The following DNM3 variants were observed in gnomAD, a reference collection of about 807,000 sequenced individuals.
DNM3 encodes dynamin 3.
In DNM3, 47 loss-of-function variants were observed where a neutral mutation model predicts 101.6. The ratio of observed to expected loss-of-function variants is 0.46; its 90% CI spans 0.37 to 0.59. DNM3 has a LOEUF of 0.59. Among genes scored for constraint, DNM3 ranks in the 20% least tolerant of loss-of-function variants. The pLI, the probability that DNM3 is intolerant of heterozygous loss-of-function variation, is 0.00. For synonymous variants in DNM3, 385 were observed against 387.9 expected (o/e 0.99, Z 0.09); for missense variants, 849 against 1,085.7 (o/e 0.78, Z 3.06).
chr1:171,895,988 A>G (rs201128442), intron 1 of DNM3, among the ~76,000 whole-genome samples: 3 of 152,064 alleles, frequency 2.0e-5, no homozygotes, highest in African/African-American at 7.3e-5. Context: ...GTTCTGTTCC[A>G]TTGATCTATA....
At chr1:172,370,832 G>T (rs968963692) in intron 17 of DNM3, among the ~76,000 whole-genome samples, 1 of 151,904 alleles carries the variant, frequency 6.6e-6, no homozygotes, top group African/African-American at 2.4e-5. Context: ...TACTGAGATG[G>T]TATATGTGAA....
At chr1:172,309,267 A>T (rs1326539638) in intron 16 of DNM3, 1 of 156,776 alleles carries the variant, frequency 6.4e-6, no homozygotes, top group East Asian at 1.9e-4. Flanking sequence ...CATTATGTCT[A>T]TATTCCCTGT....
intron 17 of DNM3, among the ~76,000 whole-genome samples, chr1:172,371,194 C>A (rs1220744390): frequency 6.6e-6 from 1 of 151,922 alleles, no homozygotes; most frequent in Non-Finnish European, 1.5e-5. Flanking sequence ...ATACATTTTC[C>A]TTTTCTCCCA....
At chr1:172,405,584 C>T (rs184817291) in intron 20 of DNM3, among the ~76,000 whole-genome samples, 1 of 152,148 alleles carries the variant, frequency 6.6e-6, no homozygotes, top group African/African-American at 2.4e-5. Context: ...CTGTATCCTA[C>T]TTCTCACTGA....
chr1:171,876,060 C>T (rs1265716548), intron 1 of DNM3, among the ~76,000 whole-genome samples: 3 of 152,008 alleles, frequency 2.0e-5, no homozygotes, highest in Non-Finnish European at 4.4e-5. Flanking sequence ...CCGCCCCCCT[C>T]GGCCTCGCAA....
chr1:172,175,052 G>C (rs1297090381), intron 14 of DNM3, among the ~76,000 whole-genome samples: 1 of 151,568 alleles, frequency 6.6e-6, no homozygotes, highest in South Asian at 2.1e-4. Context: ...AACAAAACAA[G>C]TACCAGGGAA....
chr1:171,944,299 A>G (rs1322658638), intron 2 of DNM3, among the ~76,000 whole-genome samples: 2 of 152,032 alleles, frequency 1.3e-5, no homozygotes, highest in Non-Finnish European at 2.9e-5. Context: ...ATTGGGTTGG[A>G]TTTAGCTCAG....
intron 18 of DNM3, among the ~76,000 whole-genome samples, chr1:172,385,228 C>T (rs907402535): frequency 6.6e-6 from 1 of 152,218 alleles, no homozygotes; most frequent in African/African-American, 2.4e-5. Context: ...TCTACAATAG[C>T]CTTCTAACAG....
chr1:172,239,783 C>T (rs2148643746), intron 14 of DNM3, among the ~76,000 whole-genome samples: 1 of 138,540 alleles, frequency 7.2e-6, no homozygotes, highest in South Asian at 2.3e-4. Context: ...TTTCTCCAGC[C>T]CTGTCTTTTT....
In DNM3 at chr1:172,214,380, C is replaced by T. The variant is rs11800434; in HGVS notation, c.1660-39193C>T. 6.4e-3 allele frequency among the ~76,000 whole-genome samples: 978 copies of T among 151,968 alleles called. 11 individuals are homozygous for T. Among genetic ancestry groups the T allele is most frequent in the Middle Eastern group, 6.8e-3 (2 of 294 alleles). On this transcript the variant is annotated intron_variant, in intron 14 of 20. Transcript: ENST00000627582. Reference sequence around the variant, plus strand: ...TAATGGGTGCAGCACACCAACATGGCACATGTATACATATGTAACAAACCT... The same window carrying T: ...TAATGGGTGCAGCACACCAACATGGTACATGTATACATATGTAACAAACCT...
chr1:172,068,674 T>C, intron 10 of DNM3, 145 bp from the exon 11 acceptor site: 1 of 665,556 alleles, frequency 1.5e-6, no homozygotes, highest in South Asian at 1.8e-5. Flanking sequence ...CACCTTGACA[T>C]CCTTCTTTAG....
chr1:172,267,399 T>C (rs1356837782), intron 15 of DNM3, among the ~76,000 whole-genome samples: 1 of 152,134 alleles, frequency 6.6e-6, no homozygotes, highest in Non-Finnish European at 1.5e-5. Flanking sequence ...CAAATGCAAG[T>C]GGGATGAAAA....
At chr1:172,252,412 C>G (rs1319757914) in intron 14 of DNM3, among the ~76,000 whole-genome samples, 2 of 152,118 alleles carry the variant, frequency 1.3e-5, no homozygotes, top group Non-Finnish European at 1.5e-5. Flanking sequence ...AGCTGAGCTA[C>G]AAATTCTTAA....
At chr1:172,300,755 GGAGGC>G (rs1392768637) in intron 15 of DNM3, among the ~76,000 whole-genome samples, 5 of 152,206 alleles carry the variant, frequency 3.3e-5, no homozygotes, top group Non-Finnish European at 5.9e-5. Context: ...AGACCAATGA[GGAGGC>G]TATTGTATAA....
intron 1 of DNM3, among the ~76,000 whole-genome samples, chr1:171,872,523 G>A (rs375559836): frequency 7.9e-5 from 12 of 152,210 alleles, no homozygotes; most frequent in Admixed American, 2.6e-4. Context: ...ATTCTTAGGC[G>A]CAAATTGTTT....
chr1:172,254,943 AT>A (rs1010972399), intron 15 of DNM3, among the ~76,000 whole-genome samples: 1 of 152,110 alleles, frequency 6.6e-6, no homozygotes, highest in Non-Finnish European at 1.5e-5. Context: ...ATTTTAACCC[AT>A]TTTTTGAGGC....
chr1:172,167,519 A>G (rs1214180220), intron 14 of DNM3, among the ~76,000 whole-genome samples: 1 of 152,058 alleles, frequency 6.6e-6, no homozygotes, highest in East Asian at 1.9e-4. Context: ...TGGTTGAACT[A>G]GTTTACAGTC....
At chr1:172,259,323 C>G (rs907036939) in intron 15 of DNM3, among the ~76,000 whole-genome samples, 1 of 152,004 alleles carries the variant, frequency 6.6e-6, no homozygotes, top group African/African-American at 2.4e-5. Flanking sequence ...TCTAGATGAT[C>G]TGTCTTATGC....
chr1:172,193,271 A>G (rs988621416), intron 14 of DNM3, among the ~76,000 whole-genome samples: 1 of 152,114 alleles, frequency 6.6e-6, no homozygotes, highest in Non-Finnish European at 1.5e-5. Context: ...CCAGTATTTC[A>G]TTGATGATTT....
Sources: gnomAD v4.1 joint callset for allele counts (sites outside exome capture counted in the v4.1 genomes callset) on GRCh38, gnomAD v4.1.1 for gene constraint, MANE v1.5 for transcripts, NCBI Gene and HGNC (gene_info 2026-07-23, HGNC 2026-07-21) for gene names.